Variants in CNTNAP5 observed in about 807,000 individuals in gnomAD.
CNTNAP5 encodes the protein contactin-associated protein-like 5.
Under a neutral mutation model 150.2 loss-of-function variants are expected in CNTNAP5, and 72 were observed. That is an observed-to-expected ratio of 0.48 (90% CI 0.40 to 0.58). The LOEUF (loss-of-function observed/expected upper bound fraction) is 0.58, where lower values mean the gene tolerates loss of function less well. Ranked by LOEUF, CNTNAP5 falls within the 20% of genes least tolerant of loss-of-function variation. The pLI, the probability that CNTNAP5 is intolerant of heterozygous loss-of-function variation, is 0.00. For missense variants in CNTNAP5, 1,636 were observed against 1,626.2 expected (o/e 1.01, Z -0.10); for synonymous variants, 672 against 619.8 (o/e 1.08, Z -1.25).
At chr2:124,272,410 A>G (rs151313601) in intron 3 of CNTNAP5, among the ~76,000 whole-genome samples, 1 of 152,332 alleles carries the variant, frequency 6.6e-6, no homozygotes, top group Non-Finnish European at 1.5e-5. Flanking sequence ...TATATATACC[A>G]GACATTTTTA....
At chr2:124,483,795 G>A (rs1463264734) in intron 7 of CNTNAP5, among the ~76,000 whole-genome samples, 4 of 152,162 alleles carry the variant, frequency 2.6e-5, no homozygotes, top group African/African-American at 9.7e-5. Flanking sequence ...CATCCTCTCT[G>A]CTCTCAGAAA....
intron 3 of CNTNAP5, among the ~76,000 whole-genome samples, chr2:124,356,355 G>A (rs1231439890): frequency 2.8e-5 from 4 of 140,566 alleles, no homozygotes; most frequent in African/African-American, 5.4e-5. Context: ...TGTGCACATT[G>A]TGCAGGTTAG....
intron 3 of CNTNAP5, among the ~76,000 whole-genome samples, chr2:124,258,213 C>A (rs141122388): frequency 4.9e-4 from 74 of 152,204 alleles, no homozygotes; most frequent in African/African-American, 1.7e-3. Context: ...AGCCTAGAGT[C>A]GTCAGGGGAA....
chr2:124,219,572 T>A (rs566661946), intron 1 of CNTNAP5, among the ~76,000 whole-genome samples: 195 of 152,198 alleles, frequency 1.3e-3, no homozygotes, highest in Non-Finnish European at 2.4e-3. Flanking sequence ...AGATACCGTA[T>A]TGATGCTTAA....
chr2:124,779,852 C>T (rs1050350291), intron 17 of CNTNAP5, among the ~76,000 whole-genome samples: 2 of 152,294 alleles, frequency 1.3e-5, no homozygotes, highest in East Asian at 1.9e-4. Flanking sequence ...GGTACACCCC[C>T]CTATCTCTGT....
At chr2:124,870,731 T>C (rs1381642750) in intron 21 of CNTNAP5, among the ~76,000 whole-genome samples, 2 of 152,100 alleles carry the variant, frequency 1.3e-5, no homozygotes, top group South Asian at 2.1e-4. Flanking sequence ...GTACTTACAG[T>C]GTGGGTTCTT....
chr2:124,460,916 G>A (rs1018850404), intron 6 of CNTNAP5, among the ~76,000 whole-genome samples: 3 of 152,044 alleles, frequency 2.0e-5, no homozygotes, highest in East Asian at 1.9e-4. Flanking sequence ...GGCCTCCATC[G>A]AGGAAAATAA....
chr2:124,227,831 G>A (rs950798853), intron 2 of CNTNAP5, among the ~76,000 whole-genome samples: 7 of 151,768 alleles, frequency 4.6e-5, no homozygotes, highest in Non-Finnish European at 7.4e-5. Flanking sequence ...TACAAAATTA[G>A]TTAATGTATG....
chr2:124,434,794 C>T (rs1278215978), intron 5 of CNTNAP5, 107 bp downstream of exon 5: 1 of 919,162 alleles, frequency 1.1e-6, no homozygotes, highest in East Asian at 2.6e-5. Context: ...CACTGGAGCA[C>T]AATATAAGTG....
chr2:124,893,115 C>G lies in CNTNAP5; in HGVS notation c.3437-9767C>G, dbSNP rs1337924131. 2.6e-5 allele frequency among the ~76,000 whole-genome samples: 4 copies of G among 152,092 alleles called. No homozygotes were observed. The East Asian group carries it at 7.7e-4, about 29-fold the overall frequency. On this transcript the variant is annotated intron_variant, in intron 21 of 23. Transcript: ENST00000682447. ...CATTCACTGGGAGCATTAACAATTA[C>G]AAAAGGAAGCCAGTGTACCATCCTA...
At chr2:124,476,037 T>C (rs1250675459) in intron 7 of CNTNAP5, among the ~76,000 whole-genome samples, 2 of 152,102 alleles carry the variant, frequency 1.3e-5, no homozygotes, top group Non-Finnish European at 2.9e-5. Flanking sequence ...TGTATAGCTT[T>C]TGTTAGTGGT....
At chr2:124,509,448 G>A (rs1201907876) in intron 8 of CNTNAP5, among the ~76,000 whole-genome samples, 3 of 152,120 alleles carry the variant, frequency 2.0e-5, no homozygotes, top group Non-Finnish European at 2.9e-5. Flanking sequence ...TAAGGGATGT[G>A]AAAGTAGAAC....
chr2:124,913,231 A>G (rs1375711177), intron 23 of CNTNAP5, among the ~76,000 whole-genome samples: 1 of 152,212 alleles, frequency 6.6e-6, no homozygotes, highest in South Asian at 2.1e-4. Context: ...TTTGCTTATC[A>G]TACATATTTT....
rs569020179 is a variant in CNTNAP5 at position 124,449,745 on chromosome 2, T to A, written c.918+2808T>A. Among the ~76,000 whole-genome samples the A allele has an allele frequency of 2.6e-5, 4 of 152,298 alleles. No individual in the cohort carries two copies. In the East Asian group the frequency reaches 7.7e-4, roughly 29 times the overall value. On this transcript the variant is annotated intron_variant, in intron 6 of 23. Transcript: ENST00000682447. ...TTAGGGAATTCAAGTCTTCTCCAGATTGTTCAGCCAGCTTGCTCCAATGAT... is the reference window on the plus strand; with the variant it reads ...TTAGGGAATTCAAGTCTTCTCCAGAATGTTCAGCCAGCTTGCTCCAATGAT...
chr2:124,158,263 A>G (rs1684591613), intron 1 of CNTNAP5, among the ~76,000 whole-genome samples: 1 of 152,218 alleles, frequency 6.6e-6, no homozygotes, highest in Non-Finnish European at 1.5e-5. Flanking sequence ...GAGATAATGT[A>G]CAATGCCTAG....
intron 3 of CNTNAP5, among the ~76,000 whole-genome samples, chr2:124,297,810 TTTATTA>T (rs138310065): frequency 0.093 from 11,673 of 126,070 alleles, 643 homozygotes; most frequent in African/African-American, 0.16. Flanking sequence ...CATCCAATTA[TTTATTA>T]TTATTATTAT....
intron 3 of CNTNAP5, among the ~76,000 whole-genome samples, chr2:124,358,233 A>C (rs578074873): frequency 6.6e-6 from 1 of 152,156 alleles, no homozygotes; most frequent in South Asian, 2.1e-4. Context: ...TAGATATACA[A>C]TCATGTCATC....
At chr2:124,682,675 G>T (rs972118312) in intron 13 of CNTNAP5, among the ~76,000 whole-genome samples, 6 of 152,118 alleles carry the variant, frequency 3.9e-5, no homozygotes, top group African/African-American at 1.4e-4. Flanking sequence ...CTAGAACTCT[G>T]AAATGGTTGA....
chr2:124,894,666 G>C (rs563169390), intron 21 of CNTNAP5, among the ~76,000 whole-genome samples: 1 of 150,512 alleles, frequency 6.6e-6, no homozygotes, highest in Admixed American at 6.6e-5. Flanking sequence ...TGATCCTCCC[G>C]CCTCAGCCAA....
Sources: allele counts gnomAD v4.1 joint callset (sites outside exome capture counted in the v4.1 genomes callset), GRCh38; gene constraint gnomAD v4.1.1; transcripts MANE v1.5; gene names NCBI Gene and HGNC (gene_info 2026-07-23, HGNC 2026-07-21).